RFC3: variants seen among roughly 807,000 people sequenced by gnomAD.
RFC3 encodes the protein replication factor C subunit 3, also known as A1 38 kDa subunit.
Under a neutral mutation model 45.1 loss-of-function variants are expected in RFC3, and 41 were observed. The observed-to-expected ratio is 0.91, with a 90% CI of 0.71 to 1.18. The LOEUF (loss-of-function observed/expected upper bound fraction) is 1.18, where lower values mean the gene tolerates loss of function less well. Among genes scored for constraint, RFC3 ranks in the 50% most tolerant of loss-of-function variants. The pLI is 0.00. For missense variants in RFC3, 423 were observed against 428.1 expected, an observed-to-expected ratio of 0.99 and a Z score of 0.10; for synonymous variants, 149 against 144.0, an observed-to-expected ratio of 1.03 and a Z score of -0.25.
At chr13:33,958,632 G>T (rs2083037333) in intron 8 of RFC3, among the ~76,000 whole-genome samples, 1 of 152,234 alleles carries the variant, frequency 6.6e-6, no homozygotes, top group African/African-American at 2.4e-5. Flanking sequence ...GTTTACTATA[G>T]GGAGAGTGTG....
chr13:33,921,891 G>A (rs189467379), intron 8 of RFC3, among the ~76,000 whole-genome samples: 101 of 152,162 alleles, frequency 6.6e-4, no homozygotes, highest in South Asian at 1.5e-3. Context: ...TAGAATTAAG[G>A]GAATTATAGG....
chr13:33,951,206 G>A (rs951849762), intron 8 of RFC3, among the ~76,000 whole-genome samples: 1 of 150,880 alleles, frequency 6.6e-6, no homozygotes, highest in Non-Finnish European at 1.5e-5. Context: ...AGTGCTCTTT[G>A]CATATCACTG....
At chr13:33,820,916 TA>T (rs1447096321) in intron 1 of RFC3, among the ~76,000 whole-genome samples, 190 of 14,296 alleles carry the variant, frequency 0.013, no homozygotes, top group Non-Finnish European at 0.035. Context: ...TATATATTTA[TA>T]TATATATATA....
intron 8 of RFC3, chr13:33,835,486 G>A: frequency 1.6e-6 from 1 of 622,562 alleles, no homozygotes; most frequent in Non-Finnish European, 3.0e-6. Context: ...TGTAAGTGCT[G>A]TAAAGGAAAT....
At chr13:33,891,722 T>C (rs1277212342) in intron 8 of RFC3, among the ~76,000 whole-genome samples, 3 of 152,138 alleles carry the variant, frequency 2.0e-5, no homozygotes, top group Non-Finnish European at 2.9e-5. Context: ...ATCAAACATG[T>C]GGATGAAAAT....
intron 8 of RFC3, among the ~76,000 whole-genome samples, chr13:33,961,647 T>C (rs1175039588): frequency 6.6e-6 from 1 of 152,222 alleles, no homozygotes; most frequent in Non-Finnish European, 1.5e-5. Context: ...TCAAAGCTGC[T>C]AACTCATTTC....
At chr13:33,838,485 T>A (rs1176154811), downstream of RFC3, among the ~76,000 whole-genome samples, 5 of 152,122 alleles carry the variant, frequency 3.3e-5, no homozygotes, top group Non-Finnish European at 7.4e-5. Context: ...TGCCTTCACG[T>A]TTCTGTTGTT....
intron 8 of RFC3, among the ~76,000 whole-genome samples, chr13:33,844,719 A>G (rs572599202): frequency 9.9e-5 from 15 of 152,204 alleles, no homozygotes; most frequent in South Asian, 8.3e-4. Flanking sequence ...TTCTGTTTAT[A>G]TCTTATTATA....
intron 8 of RFC3, among the ~76,000 whole-genome samples, chr13:33,920,308 A>G (rs74637140): frequency 0.016 from 2,414 of 152,170 alleles, 58 homozygotes; most frequent in African/African-American, 0.048. Flanking sequence ...TTCTTCCAAA[A>G]CAAATATCCT....
intron 8 of RFC3, among the ~76,000 whole-genome samples, chr13:33,883,314 G>A (rs899671857): frequency 1.3e-5 from 2 of 152,164 alleles, no homozygotes; most frequent in African/African-American, 2.4e-5. Flanking sequence ...GAAAATGAGT[G>A]TTTAAAATTG....
chr13:33,957,644 C>T (rs550209140), intron 8 of RFC3, among the ~76,000 whole-genome samples: 6 of 152,088 alleles, frequency 3.9e-5, no homozygotes, highest in Non-Finnish European at 7.4e-5. Flanking sequence ...CTGTGAGGCC[C>T]GGAAGCTCTA....
At chr13:33,970,725 A>G (rs2083106287), downstream of RFC3, among the ~76,000 whole-genome samples, 1 of 152,248 alleles carries the variant, frequency 6.6e-6, no homozygotes, top group African/African-American at 2.4e-5. Flanking sequence ...CTGGGAAGCA[A>G]CACAGGACAC....
rs185889326 is a variant in RFC3, at chr13:33,881,755, C to T, written c.879+46538C>T. Among the ~76,000 whole-genome samples the T allele has an allele frequency of 3.6e-3, 550 of 152,310 alleles. 4 individuals carry two copies. The highest frequency in any genetic ancestry group is 0.012 in the African/African-American group (516 of 41,558). ...TCTCAGTCCCGTGCTTTCCTCTGCCCATCAGGCTTTGATGGTTTGTACTTT... is the reference window on the plus strand; with the variant it reads ...TCTCAGTCCCGTGCTTTCCTCTGCCTATCAGGCTTTGATGGTTTGTACTTT... On this transcript the variant is annotated intron_variant, in intron 8 of 8. Coordinates refer to the RFC3 transcript ENST00000434425.
At chr13:33,913,167 TTAATAAC>T (rs1291754701) in intron 8 of RFC3, among the ~76,000 whole-genome samples, 1 of 152,110 alleles carries the variant, frequency 6.6e-6, no homozygotes, top group African/African-American at 2.4e-5. Context: ...GTATGTAAAC[TTAATAAC>T]TAGTTATTTT....
chr13:33,939,058 A>T (rs549617532), intron 8 of RFC3, among the ~76,000 whole-genome samples: 46 of 152,078 alleles, frequency 3.0e-4, no homozygotes, highest in Non-Finnish European at 6.2e-4. Flanking sequence ...GATTCTGTAG[A>T]TCCTCAACAT....
intron 8 of RFC3, among the ~76,000 whole-genome samples, chr13:33,916,531 A>C (rs754099374): frequency 6.6e-6 from 1 of 152,120 alleles, no homozygotes; most frequent in Non-Finnish European, 1.5e-5. Flanking sequence ...TTTCAACTAG[A>C]TGAAATGTGA....
At chr13:33,927,845 T>C (rs756270648) in intron 8 of RFC3, among the ~76,000 whole-genome samples, 1 of 152,096 alleles carries the variant, frequency 6.6e-6, no homozygotes, top group Non-Finnish European at 1.5e-5. Context: ...ACATCAGCAG[T>C]GGGTGGCCCT....
chr13:33,859,341 A>G (rs543042130), intron 8 of RFC3, among the ~76,000 whole-genome samples: 2 of 152,340 alleles, frequency 1.3e-5, no homozygotes, highest in South Asian at 4.1e-4. Flanking sequence ...AACCAACCCA[A>G]CATACTTATA....
intron 8 of RFC3, among the ~76,000 whole-genome samples, chr13:33,933,341 A>G (rs2082864470): frequency 6.6e-6 from 1 of 152,118 alleles, no homozygotes; most frequent in Non-Finnish European, 1.5e-5. Flanking sequence ...ATGAGCTCCT[A>G]TTGTGTTAAA....
Sources: allele counts gnomAD v4.1 joint callset (sites outside exome capture counted in the v4.1 genomes callset), GRCh38; gene constraint gnomAD v4.1.1; transcripts MANE v1.5; gene names NCBI Gene and HGNC (gene_info 2026-07-23, HGNC 2026-07-21).